RGL1: variants seen among roughly 807,000 people sequenced by gnomAD.
RGL1 encodes the protein ral guanine nucleotide dissociation stimulator like 1, also known as ral guanine nucleotide dissociation stimulator-like 1.
RGL1 carries 24 observed loss-of-function variants against 95.2 expected under a neutral mutation model. The ratio of observed to expected loss-of-function variants is 0.25; its 90% confidence interval spans 0.18 to 0.35. The LOEUF is 0.35. Among genes scored for constraint, RGL1 ranks in the 10% least tolerant of loss-of-function variants. RGL1 has a pLI of 1.00. For synonymous variants in RGL1, 329 were observed against 344.9 expected (o/e 0.95, Z 0.51); for missense variants, 715 against 936.3 (o/e 0.76, Z 3.08).
intron 1 of RGL1, among the ~76,000 whole-genome samples, chr1:183,703,931 C>T (rs1030869663): frequency 7.9e-5 from 12 of 152,170 alleles, no homozygotes; most frequent in Non-Finnish European, 1.3e-4. Context: ...TTGGAACTGA[C>T]ATGGAAAAGT....
chr1:183,642,929 A>C (rs570884870), intron 1 of RGL1, among the ~76,000 whole-genome samples: 2 of 152,238 alleles, frequency 1.3e-5, no homozygotes, highest in Non-Finnish European at 1.5e-5. Flanking sequence ...TTAACTCTGT[A>C]CCCATTAAAC....
Position 183,926,322 on chromosome 1 carries a change from A to G in RGL1, c.*30A>G, listed in dbSNP as rs1669614877. On this transcript the variant is annotated 3_prime_UTR_variant, in exon 18 of 18. Transcript: ENST00000360851. Reference sequence around the variant, plus strand: ...AGGGACCAGTGGCCCCTTGTTTGCCAAAGGCAGAGTGGGGCTGAGAAACAG... The same window carrying G: ...AGGGACCAGTGGCCCCTTGTTTGCCGAAGGCAGAGTGGGGCTGAGAAACAG... 1.3e-6 allele frequency: 2 copies of G among 1,579,054 alleles called. No homozygotes were observed. Among genetic ancestry groups the G allele is most frequent in the Non-Finnish European group, 1.7e-6 (2 of 1,159,268 alleles).
chr1:183,783,176 C>T lies in RGL1; in HGVS notation c.133-23199C>T, dbSNP rs138480244. Among the ~76,000 whole-genome samples the T allele has an allele frequency of 2.8e-3, 430 of 150,944 alleles. 4 individuals are homozygous for T. Among genetic ancestry groups the T allele is most frequent in the African/African-American group, 9.6e-3 (388 of 40,614 alleles). ...CTGGGTTACTGAATTTATTCCAGCT[C>T]CGTTTTGGGGAACTCTCAAACCTTG... On this transcript the variant is annotated intron_variant, in intron 2 of 18. Transcript: ENST00000304685.
At chr1:183,811,262 C>A (rs928685572) in intron 2 of RGL1, among the ~76,000 whole-genome samples, 11 of 152,100 alleles carry the variant, frequency 7.2e-5, no homozygotes, top group African/African-American at 2.7e-4. Flanking sequence ...CCAAGAGGTC[C>A]AGTTGTACTT....
chr1:183,766,181 C>T (rs370588563), intron 2 of RGL1, among the ~76,000 whole-genome samples: 81 of 151,994 alleles, frequency 5.3e-4, no homozygotes, highest in African/African-American at 1.8e-3. Flanking sequence ...CCGAGGCGGG[C>T]GGATCATGAG....
chr1:183,757,480 C>G (rs554767631), intron 2 of RGL1, among the ~76,000 whole-genome samples: 3 of 152,118 alleles, frequency 2.0e-5, no homozygotes, highest in Non-Finnish European at 4.4e-5. Flanking sequence ...TTCTATTTCA[C>G]TCTGCCACAA....
At chr1:183,735,901 C>G (rs1656908326) in intron 1 of RGL1, among the ~76,000 whole-genome samples, 1 of 152,184 alleles carries the variant, frequency 6.6e-6, no homozygotes, top group Non-Finnish European at 1.5e-5. Flanking sequence ...GTCATGCCCC[C>G]TCCACAATTA....
chr1:183,676,670 G>T (rs1323945323), intron 1 of RGL1, among the ~76,000 whole-genome samples: 1 of 146,382 alleles, frequency 6.8e-6, no homozygotes, highest in Non-Finnish European at 1.5e-5. Flanking sequence ...GATCGATGAG[G>T]ATGTGTCACA....
chr1:183,855,485 A>G (rs941975319), intron 3 of RGL1, among the ~76,000 whole-genome samples: 3 of 152,268 alleles, frequency 2.0e-5, no homozygotes, highest in African/African-American at 7.2e-5. Context: ...GCACTTGCCA[A>G]ATATTCCTAG....
chr1:183,856,242 C>G (rs1230149351), intron 3 of RGL1, among the ~76,000 whole-genome samples: 1 of 151,478 alleles, frequency 6.6e-6, no homozygotes, highest in Non-Finnish European at 1.5e-5. Context: ...TGATGACTTC[C>G]TAGGCAAAAA....
chr1:183,831,953 C>A (rs1663287593), intron 2 of RGL1, among the ~76,000 whole-genome samples: 1 of 152,118 alleles, frequency 6.6e-6, no homozygotes, highest in Non-Finnish European at 1.5e-5. Flanking sequence ...ACACTCATTT[C>A]TGTTGAGAAT....
At chr1:183,658,525 CA>C (rs1651363539) in intron 1 of RGL1, among the ~76,000 whole-genome samples, 1 of 152,134 alleles carries the variant, frequency 6.6e-6, no homozygotes, top group African/African-American at 2.4e-5. Flanking sequence ...CGCCATTGCC[CA>C]GGCTTGCTTA....
At chr1:183,903,292 T>G (rs751250680) in intron 12 of RGL1, among the ~76,000 whole-genome samples, 1 of 152,172 alleles carries the variant, frequency 6.6e-6, no homozygotes, top group African/African-American at 2.4e-5. Context: ...GTGTAGGTAG[T>G]TATTCTTTCC....
intron 3 of RGL1, among the ~76,000 whole-genome samples, chr1:183,848,602 A>T (rs1445928774): frequency 6.6e-6 from 1 of 152,180 alleles, no homozygotes; most frequent in Admixed American, 6.5e-5. Flanking sequence ...TTTTGAAAGT[A>T]ATCTGTGCTC....
intron 2 of RGL1, among the ~76,000 whole-genome samples, chr1:183,822,586 C>G (rs952433425): frequency 6.6e-6 from 1 of 152,130 alleles, no homozygotes; most frequent in Non-Finnish European, 1.5e-5. Flanking sequence ...ACTAAAAGAT[C>G]GTCAAGGTCC....
intron 1 of RGL1, 81 bp downstream of exon 1, chr1:183,805,405 C>A: frequency 7.9e-7 from 1 of 1,262,444 alleles, no homozygotes; most frequent in Non-Finnish European, 1.1e-6. Flanking sequence ...GTTTTGGACT[C>A]CCTCGGAGTG....
intron 14 of RGL1, among the ~76,000 whole-genome samples, chr1:183,910,603 C>T (rs1193654002): frequency 6.6e-6 from 1 of 152,200 alleles, no homozygotes; most frequent in African/African-American, 2.4e-5. Flanking sequence ...ATACCTGGGG[C>T]TTTCTTACTG....
intron 1 of RGL1, among the ~76,000 whole-genome samples, chr1:183,717,726 A>G (rs113465980): frequency 0.016 from 2,474 of 152,330 alleles, 75 homozygotes; most frequent in African/African-American, 0.057. Context: ...CTGATAAACT[A>G]GTGGAGGAGG....
intron 2 of RGL1, among the ~76,000 whole-genome samples, chr1:183,828,690 C>T (rs768353831): frequency 3.3e-5 from 5 of 152,100 alleles, no homozygotes; most frequent in Non-Finnish European, 5.9e-5. Context: ...AAAAGGGCTT[C>T]GAATATTAGA....
Sources: allele counts gnomAD v4.1 joint callset (sites outside exome capture counted in the v4.1 genomes callset), GRCh38; gene constraint gnomAD v4.1.1; transcripts MANE v1.5; gene names NCBI Gene and HGNC (gene_info 2026-07-23, HGNC 2026-07-21).